Variants in POLR2H observed in about 807,000 individuals in gnomAD.
POLR2H encodes the protein RNA polymerase II, I and III subunit H, also known as DNA-directed RNA polymerases I, II, and III subunit RPABC3.
A neutral mutation model predicts 18.1 loss-of-function variants in POLR2H; 3 were observed. The ratio of observed to expected loss-of-function variants is 0.17; its 90% confidence interval spans 0.08 to 0.43. POLR2H has a LOEUF of 0.43. Among genes scored for constraint, POLR2H ranks in the 20% least tolerant of loss-of-function variants. The probability of loss-of-function intolerance (pLI) is 0.99; values close to 1 mark genes in which losing one functional copy is unlikely to be tolerated. For missense variants in POLR2H, 103 were observed against 184.6 expected (o/e 0.56, Z 2.56); for synonymous variants, 76 against 69.0 (o/e 1.10, Z -0.50).
At chr3:184,366,574 G>C in intron 4 of POLR2H, 143 bp from the exon 5 acceptor site, 1 of 536,990 alleles carries the variant, frequency 1.9e-6, no homozygotes, top group South Asian at 1.9e-5. Flanking sequence ...TCCTGACCTC[G>C]TGATCTGCCC....
intron 2 of POLR2H, 181 bp from the exon 3 acceptor site, chr3:184,364,785 A>T: frequency 1.7e-6 from 1 of 582,350 alleles, no homozygotes; most frequent in Admixed American, 3.2e-5. Flanking sequence ...CGCTTGCCAC[A>T]GTTTTTCTCC....
intron 5 of POLR2H, 109 bp downstream of exon 5, chr3:184,366,909 A>C: frequency 1.4e-6 from 1 of 703,538 alleles, no homozygotes; most frequent in Non-Finnish European, 2.6e-6. Flanking sequence ...CCTCAGACCG[A>C]GGTGGGAACT....
intron 5 of POLR2H, 194 bp from the exon 6 acceptor site, chr3:184,367,983 T>C (rs1381036935): frequency 1.3e-6 from 1 of 749,882 alleles, no homozygotes; most frequent in African/African-American, 2.1e-5. Context: ...GACAAAACAG[T>C]AGGAAGATGC....
rs753796863 is a variant in POLR2H at position 184,368,329 on chromosome 3, T to G, written c.*35T>G. 6.5e-7 allele frequency: 1 copy of G among 1,542,020 alleles called. No individual in the cohort carries two copies. The highest frequency in any genetic ancestry group is 8.8e-7 in the Non-Finnish European group (1 of 1,137,622). ...GAAGCCAGCCTCTCTGCCAAGTCAC[T>G]CAGGTCATGGGCATTGTTCAAGCCT... On this transcript the variant is annotated 3_prime_UTR_variant, in exon 6 of 6. Coordinates refer to ENST00000456318, the MANE Select transcript of POLR2H (RefSeq NM_006232.5).
At chr3:184,366,301 C>T (rs897655996) in intron 4 of POLR2H, among the ~76,000 whole-genome samples, 3 of 151,560 alleles carry the variant, frequency 2.0e-5, no homozygotes, top group Admixed American at 2.0e-4. Flanking sequence ...TGTAATGTGC[C>T]TGTTGTTATA....
intron 2 of POLR2H, among the ~76,000 whole-genome samples, 183 bp downstream of exon 2, chr3:184,363,748 G>C (rs1560274880): frequency 6.6e-6 from 1 of 152,166 alleles, no homozygotes; most frequent in Admixed American, 6.5e-5. Flanking sequence ...CTGGCTTCAC[G>C]CATGCCGTGC....
chr3:184,365,284 G>T (rs1222092967), intron 4 of POLR2H, 58 bp downstream of exon 4: 10 of 975,224 alleles, frequency 1.0e-5, no homozygotes, highest in African/African-American at 1.6e-5. Flanking sequence ...GTAGATAAGT[G>T]ATATAGAAAG....
chr3:184,364,018 G>T lies in POLR2H; in HGVS notation c.73+453G>T, dbSNP rs141618328. Among the ~76,000 whole-genome samples the T allele has an allele frequency of 5.1e-3, 772 of 152,202 alleles. 5 individuals are homozygous for T. Among genetic ancestry groups the T allele is most frequent in the African/African-American group, 0.017 (725 of 41,544 alleles). On this transcript the variant is annotated intron_variant, in intron 2 of 5. Coordinates refer to ENST00000456318, the MANE Select transcript of POLR2H (RefSeq NM_006232.5). ...GTGAGCCAAGATCGCGCCACTGCACGCCAGCCTGGGCGGCAGAGCGAGACT... is the reference window on the plus strand; with the variant it reads ...GTGAGCCAAGATCGCGCCACTGCACTCCAGCCTGGGCGGCAGAGCGAGACT...
chr3:184,364,754 T>C (rs893410398), intron 2 of POLR2H: 2 of 572,338 alleles, frequency 3.5e-6, no homozygotes, highest in Admixed American at 6.5e-5. Flanking sequence ...GTATCTTTGG[T>C]TGTTTTCTGG....
chr3:184,365,011 T>G lies in POLR2H; in HGVS notation c.119T>G (p.Ile40Ser), dbSNP rs1712988440. The G allele has an allele frequency of 1.2e-6, 2 of 1,611,636 alleles. No homozygotes were observed. The highest frequency in any genetic ancestry group is 4.5e-5 in the East Asian group (2 of 44,872). ...CESESFKMDLILDVNIQIYPV... is the reference protein window; with the variant it reads ...CESESFKMDLSLDVNIQIYPV... ...AGTGAATCTTTCAAGATGGATCTAA[T>G]CTTAGATGTAAACATTCAAATTTAC... The change falls in exon 3 of 6, where the codon ATC (isoleucine) becomes AGC (serine). Residue 40 changes from isoleucine to serine, a missense_variant. Physicochemically the swap from Ile to Ser is moderately radical, Grantham distance 142 (BLOSUM62 -2). Transcript: ENST00000456318.
rs1712530745 is a variant in POLR2H at position 184,363,122 on chromosome 3, A to T, written c.-371A>T. On this transcript the variant is annotated 5_prime_UTR_variant, in exon 2 of 6. Transcript: ENST00000456318. ...AGGTCCCTGCCTGGGTTAGGCCCCC[A>T]CGCATTCCAGTCTTCGGAACCCGGC... is the stretch of plus-strand genomic sequence containing the variant. 5.9e-6 allele frequency: 2 copies of T among 338,008 alleles called. No individual in the cohort carries two copies. The highest frequency in any genetic ancestry group is 4.7e-5 in the South Asian group (2 of 42,798). The allele number at this position is 338,008 out of a possible 1,614,324, so 20.9% of individuals were successfully genotyped here. A position where few individuals can be genotyped will look rare whatever the true frequency, so the allele number is the denominator to read the frequency against.
rs1350205183 is a variant in POLR2H, at chr3:184,365,015, A to G, written c.123A>G (p.Leu41=). 2 of 1,611,190 alleles carry G rather than the reference A, an allele frequency of 1.2e-6. No homozygotes were observed. The highest frequency in any genetic ancestry group is 3.3e-5 in the Admixed American group (2 of 60,026). ...ESESFKMDLI[L]DVNIQIYPVD... ...AATCTTTCAAGATGGATCTAATCTT[A>G]GATGTAAACATTCAAATTTACCCTG... Residue 41 remains leucine, a synonymous_variant, in exon 3 of 6, where the codon TTA becomes TTG. Transcript: ENST00000456318.
chr3:184,364,900 T>G (rs1218389319), intron 2 of POLR2H, 66 bp from the exon 3 acceptor site: 1 of 1,067,766 alleles, frequency 9.4e-7, no homozygotes, highest in East Asian at 2.4e-5. Flanking sequence ...TCCTGTTGCA[T>G]ACAATCCCAC....
Position 184,368,461 on chromosome 3 carries a change from A to G in POLR2H, c.*167A>G. On this transcript the variant is annotated 3_prime_UTR_variant, in exon 6 of 6. Transcript: ENST00000456318. ...TCAATGGGAAACTGACTCGCCTGTG[A>G]AAGACACAGTGGGAGAGCTGAAAAT... 1 of 510,532 alleles carries G rather than the reference A, an allele frequency of 2.0e-6. No homozygotes were observed. The highest frequency in any genetic ancestry group is 3.4e-6 in the Non-Finnish European group (1 of 290,452). The allele number at this position is 510,532 out of a possible 1,614,324, so 31.6% of individuals were successfully genotyped here. A position where few individuals can be genotyped will look rare whatever the true frequency, so the allele number is the denominator to read the frequency against.
intron 4 of POLR2H, among the ~76,000 whole-genome samples, chr3:184,366,152 C>T (rs1713230358): frequency 6.6e-6 from 1 of 152,014 alleles, no homozygotes; most frequent in Non-Finnish European, 1.5e-5. Context: ...CTTTGGCACC[C>T]CACTTGAGTT....
chr3:184,368,361 C>T lies in POLR2H; in HGVS notation c.*67C>T, dbSNP rs1194821705. 29 of 1,348,526 alleles carry T rather than the reference C, an allele frequency of 2.2e-5. No homozygotes were observed. Among genetic ancestry groups the T allele is most frequent in the Non-Finnish European group, 2.8e-5 (28 of 988,098 alleles). The allele number at this position is 1,348,526 out of a possible 1,614,324, so 83.5% of individuals were successfully genotyped here. On this transcript the variant is annotated 3_prime_UTR_variant, in exon 6 of 6. Transcript: ENST00000456318. ...ATGGGCATTGTTCAAGCCTGAGTGG[C>T]AGCCGCTCTTGCTCACCTGTTGAGG...
At chr3:184,366,031 T>C (rs1374216354) in intron 4 of POLR2H, among the ~76,000 whole-genome samples, 1 of 150,620 alleles carries the variant, frequency 6.6e-6, no homozygotes, top group Non-Finnish European at 1.5e-5. Flanking sequence ...TCTATAACAG[T>C]GATTACATGC....
At chr3:184,363,632 G>A in intron 2 of POLR2H, 67 bp downstream of exon 2, 3 of 1,280,648 alleles carry the variant, frequency 2.3e-6, no homozygotes, top group Non-Finnish European at 3.4e-6. Context: ...CCTGGGCCCC[G>A]TGTCCACCCA....
chr3:184,368,407 C>T lies in POLR2H; in HGVS notation c.*113C>T. ...TGAGGAAGGGCTGGCTCACTGTCCA[C>T]CGTGGCGGCATCTTTAACTGGCCTC... On this transcript the variant is annotated 3_prime_UTR_variant, in exon 6 of 6. Transcript: ENST00000456318. 1.2e-6 allele frequency: 1 copy of T among 831,432 alleles called. No homozygotes were observed. The highest frequency in any genetic ancestry group is 2.7e-5 in the East Asian group (1 of 37,372). 51.5% of individuals were successfully genotyped at this position (831,432 alleles called of 1,614,324 possible). A position where few individuals can be genotyped will look rare whatever the true frequency, so the allele number is the denominator to read the frequency against.
Sources: gnomAD v4.1 joint callset for allele counts (sites outside exome capture counted in the v4.1 genomes callset) on GRCh38, gnomAD v4.1.1 for gene constraint, MANE v1.5 for transcripts, NCBI Gene and HGNC (gene_info 2026-07-23, HGNC 2026-07-21) for gene names.